The following MAPK8IP2 variants were observed in gnomAD, a reference collection of about 807,000 sequenced individuals.
MAPK8IP2 encodes C-Jun-amino-terminal kinase-interacting protein 2.
In MAPK8IP2, 15 loss-of-function variants were observed where a neutral mutation model predicts 75.6. The observed-to-expected ratio is 0.20, with a 90% confidence interval of 0.13 to 0.31. The LOEUF is 0.31. MAPK8IP2 is among the 10% of genes least tolerant of loss of function. The pLI is 1.00. For synonymous variants in MAPK8IP2, 632 were observed against 554.5 expected (o/e 1.14, Z -1.96); for missense variants, 1,089 against 1,211.2 (o/e 0.90, Z 1.50).
intron 5 of MAPK8IP2, 141 bp from the exon 6 acceptor site, chr22:50,605,227 C>T (rs1185457213): frequency 7.6e-5 from 83 of 1,098,154 alleles, no homozygotes; most frequent in Non-Finnish European, 9.8e-5. Context: ...GTGGCCTGCT[C>T]TGCCTCAGCT....
rs1048384582 is a variant in MAPK8IP2, at chr22:50,606,722, C to G, written c.2189C>G (p.Ser730Cys). The G allele has an allele frequency of 6.3e-7, 1 of 1,592,988 alleles. No individual in the cohort carries two copies. The highest frequency in any genetic ancestry group is 8.5e-7 in the Non-Finnish European group (1 of 1,169,964). Reference sequence around the variant, plus strand: ...CCTGCCTCCTGTGACCTCGAGATCTCTCTTCGGGGGGTCAAGCTGAGTCTG... The same window carrying G: ...CCTGCCTCCTGTGACCTCGAGATCTGTCTTCGGGGGGTCAAGCTGAGTCTG... ...RPPASCDLEI[S>C]LRGVKLSLSG... The change falls in exon 9 of 12, where the codon TCT (serine) becomes TGT (cysteine). Residue 730 changes from serine to cysteine, a missense_variant. Ser to Cys is a moderately radical substitution (Grantham distance 112). Transcript: ENST00000329492.
chr22:50,609,170 CGGT>C (rs2071103506), intron 10 of MAPK8IP2, among the ~76,000 whole-genome samples: 1 of 152,132 alleles, frequency 6.6e-6, no homozygotes, highest in Admixed American at 6.5e-5. Flanking sequence ...TTCTTCATGG[CGGT>C]GGTGGTAGGT....
Position 50,604,391 on chromosome 22 carries a change from G to A in MAPK8IP2, c.1092G>A (p.Ser364=), listed in dbSNP as rs778374774. ...LVSRMISEGS[S]PIRCPGQCLS... ...GCCGCATGATCTCCGAGGGCTCCTC[G>A]CCCATCCGCTGCCCCGGCCAGTGCC... Residue 364 remains serine, a synonymous_variant, in exon 5 of 12, where the codon TCG becomes TCA. Coordinates refer to ENST00000329492, the MANE Select transcript of MAPK8IP2 (RefSeq NM_012324.6). 11 of 1,524,052 alleles carry A rather than the reference G, an allele frequency of 7.2e-6. No homozygotes were observed. Among genetic ancestry groups the A allele is most frequent in the Admixed American group, 5.9e-5 (3 of 50,480 alleles). The allele number at this position is 1,524,052 out of a possible 1,614,324, so 94.4% of individuals were successfully genotyped here. A position where few individuals can be genotyped will look rare whatever the true frequency, so the allele number is the denominator to read the frequency against.
In MAPK8IP2 at chr22:50,603,951, G is replaced by A; in HGVS notation, c.652G>A (p.Gly218Arg). The A allele has an allele frequency of 2.6e-6, 4 of 1,547,190 alleles. No individual in the cohort carries two copies. Among genetic ancestry groups the A allele is most frequent in the Non-Finnish European group, 3.5e-6 (4 of 1,151,738 alleles). Residue 218 changes from glycine to arginine, a missense_variant, in exon 5 of 12, where the codon GGG becomes AGG. Physicochemically the swap from Gly to Arg is moderately radical, Grantham distance 125. Around this residue, in one of 2 missense-constraint regions of MAPK8IP2, gnomAD observed 960 missense variants for 1,009.6 expected, o/e 0.95. Transcript: ENST00000329492. ...CCGGCCTGCGGAACCCCCTGCGCCA[G>A]GGGGGACTTCGCCCTCCTCAGATCC... The part of the protein sequence containing the change: ...GNRPAEPPAP[G>R]GTSPSSDPGI...
In MAPK8IP2 at chr22:50,610,511, G is replaced by C. The variant is rs2071130720; in HGVS notation, c.2403-196G>C. On this transcript the variant is annotated intron_variant, in intron 11 of 11. Transcript: ENST00000329492. The surrounding 1 kb of genome is among the most constrained non-coding windows in gnomAD (Gnocchi z 4.3). ...GGAACAGGCACAGACACATGGCCCA[G>C]GCACTCTGGCAGGGGTAGAATTGCT... 6.6e-6 allele frequency among the ~76,000 whole-genome samples: 1 copy of C among 151,938 alleles called. No individual in the cohort carries two copies. The highest frequency in any genetic ancestry group is 2.4e-5 in the African/African-American group (1 of 41,316).
Position 50,610,007 on chromosome 22 carries a change from G to C in MAPK8IP2, c.2304-205G>C, listed in dbSNP as rs1315454627. 1 of 735,330 alleles carries C rather than the reference G, an allele frequency of 1.4e-6. No individual in the cohort carries two copies. Among genetic ancestry groups the C allele is most frequent in the Non-Finnish European group, 2.5e-6 (1 of 400,940 alleles). 45.6% of individuals were successfully genotyped at this position (735,330 alleles called of 1,614,324 possible). A position where few individuals can be genotyped will look rare whatever the true frequency, so the allele number is the denominator to read the frequency against. ...TCATCATGGAATTAACTCAGAGCGT[G>C]AACTCTTGGTAGGTGCCCAGCCCTG... On this transcript the variant is annotated intron_variant, in intron 10 of 11. Transcript: ENST00000329492. The surrounding 1 kb of genome is among the most constrained non-coding windows in gnomAD (Gnocchi z 4.3).
chr22:50,603,053 ATG>A, intron 2 of MAPK8IP2, 168 bp from the exon 3 acceptor site: 1 of 1,418,006 alleles, frequency 7.1e-7, no homozygotes, highest in Non-Finnish European at 9.4e-7. Context: ...AGTGATCCCA[ATG>A]TGTGTTAGGC....
In MAPK8IP2 at chr22:50,607,855, T is replaced by G. The variant is rs1603444397; in HGVS notation, c.2303+864T>G. On this transcript the variant is annotated intron_variant, in intron 10 of 11. Transcript: ENST00000329492. This position sits in a 1 kb window ranked among gnomAD's most constrained non-coding sequence, Gnocchi z 5.6. ...ACGAGAGGGGAATGGCCAGGCAGGG[T>G]GAGGGGAGGAGGGGAGGAGGAGGTG... 2.0e-5 allele frequency among the ~76,000 whole-genome samples: 3 copies of G among 147,930 alleles called. No individual in the cohort carries two copies. The highest frequency in any genetic ancestry group is 4.5e-5 in the Non-Finnish European group (3 of 66,894).
chr22:50,600,945 G>T, intron 1 of MAPK8IP2, 62 bp downstream of exon 1: 1 of 521,688 alleles, frequency 1.9e-6, no homozygotes, highest in Non-Finnish European at 2.3e-6. Context: ...CCCCGACCCC[G>T]ACCCGGCCCG....
chr22:50,610,905 G>T lies in MAPK8IP2; in HGVS notation c.*126G>T. ...GGACATGGGACCTTACGCTTGTGGG[G>T]GTCTGCGGGCTGGGAACTCTCGTCC... On this transcript the variant is annotated 3_prime_UTR_variant, in exon 12 of 12. Transcript: ENST00000329492. The surrounding 1 kb of genome is among the most constrained non-coding windows in gnomAD (Gnocchi z 4.3). 1.3e-6 allele frequency: 1 copy of T among 793,604 alleles called. No homozygotes were observed. Among genetic ancestry groups the T allele is most frequent in the Non-Finnish European group, 2.0e-6 (1 of 511,346 alleles). The allele number at this position is 793,604 out of a possible 1,614,324, so 49.2% of individuals were successfully genotyped here. A position where few individuals can be genotyped will look rare whatever the true frequency, so the allele number is the denominator to read the frequency against.
In MAPK8IP2 at chr22:50,605,428, A is replaced by G; in HGVS notation, c.1826A>G (p.His609Arg). ...LVNGEEREQT[H>R]RAVFRFIPRH... Reference sequence around the variant, plus strand: ...AACGGCGAGGAGCGAGAGCAGACTCACCGGGCTGTGTTCAGGTACGGCCTC... The same window carrying G: ...AACGGCGAGGAGCGAGAGCAGACTCGCCGGGCTGTGTTCAGGTACGGCCTC... Residue 609 changes from histidine (H) to arginine (R), a missense_variant, in exon 6 of 12, where the codon CAC becomes CGC. Physicochemically the swap from His to Arg is conservative, Grantham distance 29. This residue lies in a region of MAPK8IP2 where 960 missense variants were observed against 1,009.6 expected (regional missense o/e 0.95). Transcript: ENST00000329492. 6.2e-7 allele frequency: 1 copy of G among 1,613,502 alleles called. No individual in the cohort carries two copies. The highest frequency in any genetic ancestry group is 8.5e-7 in the Non-Finnish European group (1 of 1,179,812).
chr22:50,602,425 G>A (rs2070953767), intron 2 of MAPK8IP2, among the ~76,000 whole-genome samples: 1 of 152,234 alleles, frequency 6.6e-6, no homozygotes, highest in African/African-American at 2.4e-5. Flanking sequence ...GGTGCTGGGA[G>A]TGGAACAGGA....
chr22:50,604,585 C>A lies in MAPK8IP2; in HGVS notation c.1286C>A (p.Pro429His). The change falls in exon 5 of 12, where the codon CCC (proline) becomes CAC (histidine). Residue 429 changes from proline (P) to histidine (H), a missense_variant. Physicochemically the swap from Pro to His is moderately conservative, Grantham distance 77. This residue lies in a region of MAPK8IP2 where 960 missense variants were observed against 1,009.6 expected (regional missense o/e 0.95). Coordinates refer to ENST00000329492, the MANE Select transcript of MAPK8IP2 (RefSeq NM_012324.6). ...PPAPAAPRPG[P>H]AQPGPCLFLS... ...GCGCCCGCCGCGCCTCGACCCGGCCCCGCGCAGCCCGGGCCCTGCCTATTC... is the reference window on the plus strand; with the variant it reads ...GCGCCCGCCGCGCCTCGACCCGGCCACGCGCAGCCCGGGCCCTGCCTATTC... 7.3e-7 allele frequency: 1 copy of A among 1,368,542 alleles called. No homozygotes were observed. The highest frequency in any genetic ancestry group is 3.2e-5 in the East Asian group (1 of 30,878). 84.8% of individuals were successfully genotyped at this position (1,368,542 alleles called of 1,614,324 possible). A position where few individuals can be genotyped will look rare whatever the true frequency, so the allele number is the denominator to read the frequency against.
At position 50,604,242 on chromosome 22, in the gene MAPK8IP2, C is replaced by T; in HGVS notation, c.943C>T (p.Arg315Cys). 6.4e-7 allele frequency: 1 copy of T among 1,563,908 alleles called. No homozygotes were observed. The highest frequency in any genetic ancestry group is 8.6e-7 in the Non-Finnish European group (1 of 1,163,188). The change falls in exon 5 of 12, where the codon CGC (arginine) becomes TGC (cysteine). Residue 315 changes from arginine (R) to cysteine (C), a missense_variant. Arg to Cys is a radical substitution (Grantham distance 180). Around this residue, in one of 2 missense-constraint regions of MAPK8IP2, gnomAD observed 960 missense variants for 1,009.6 expected, o/e 0.95. Transcript: ENST00000329492. ...GCCGGAGCCCCCGCGCGAACCCCCG[C>T]GCCGCCCCGCCTTCCTGCCCGTGGG... Reference protein sequence around the residue: ...SEPEPPREPPRRPAFLPVGPD... With the variant: ...SEPEPPREPPCRPAFLPVGPD...
Position 50,610,573 on chromosome 22 carries a change from A to G in MAPK8IP2, c.2403-134A>G. On this transcript the variant is annotated intron_variant, in intron 11 of 11. Transcript: ENST00000329492. This position sits in a 1 kb window ranked among gnomAD's most constrained non-coding sequence, Gnocchi z 4.3. ...GCTGAGGGTCACACTTGGGGGTGAC[A>G]TGGCCATGCCTGGGTGGGGGGTTAT... 1 of 757,452 alleles carries G rather than the reference A, an allele frequency of 1.3e-6. No homozygotes were observed. Among genetic ancestry groups the G allele is most frequent in the Non-Finnish European group, 2.2e-6 (1 of 452,324 alleles). The allele number at this position is 757,452 out of a possible 1,614,324, so 46.9% of individuals were successfully genotyped here.
Position 50,605,552 on chromosome 22 carries a change from C to T in MAPK8IP2, c.1842-10C>T. Reference sequence around the variant, plus strand: ...GCCCCCCTCCCCAGTGACCTCTCCCCCAACGGCAGGTTCATCCCGCGGCAT... The same window carrying T: ...GCCCCCCTCCCCAGTGACCTCTCCCTCAACGGCAGGTTCATCCCGCGGCAT... On this transcript the variant is annotated splice_polypyrimidine_tract_variant and intron_variant, in intron 6 of 11. Transcript: ENST00000329492. The T allele has an allele frequency of 6.7e-7, 1 of 1,490,030 alleles. No individual in the cohort carries two copies. Among genetic ancestry groups the T allele is most frequent in the Non-Finnish European group, 9.1e-7 (1 of 1,104,114 alleles). The allele number at this position is 1,490,030 out of a possible 1,614,324, so 92.3% of individuals were successfully genotyped here.
chr22:50,609,999 C>A, intron 10 of MAPK8IP2: 1 of 730,556 alleles, frequency 1.4e-6, no homozygotes, highest in Non-Finnish European at 2.5e-6. Flanking sequence ...GGAATTAACT[C>A]AGAGCGTGAA....
In MAPK8IP2 at chr22:50,605,073, G is replaced by C; in HGVS notation, c.1765+9G>C. On this transcript the variant is annotated intron_variant, in intron 5 of 11. Transcript: ENST00000329492. ...CACATCTCGGTCCTCCAGTGAGTGA[G>C]AGGTGGGGAAAAGGGGGGTGGCCCA... 1 of 1,612,386 alleles carries C rather than the reference G, an allele frequency of 6.2e-7. No homozygotes were observed. Among genetic ancestry groups the C allele is most frequent in the Non-Finnish European group, 8.5e-7 (1 of 1,179,826 alleles).
chr22:50,603,597 A>G (rs751267389), intron 3 of MAPK8IP2, 29 bp from the exon 4 acceptor site: 8 of 1,585,718 alleles, frequency 5.0e-6, no homozygotes, highest in East Asian at 2.3e-5. Context: ...GGCCCTCCTC[A>G]GGACCGCCGT....
Sources: allele counts gnomAD v4.1 joint callset (sites outside exome capture counted in the v4.1 genomes callset), GRCh38; gene constraint gnomAD v4.1.1; regional missense constraint gnomAD v4.1.1; non-coding constraint Gnocchi (gnomAD v3.1); transcripts MANE v1.5; gene names NCBI Gene and HGNC (gene_info 2026-07-23, HGNC 2026-07-21).